Variants in ADAM2 observed in about 807,000 individuals in gnomAD.
ADAM2 encodes the protein ADAM metallopeptidase domain 2.
In ADAM2, 101 loss-of-function variants were observed where a neutral mutation model predicts 99.3. The ratio of observed to expected loss-of-function variants is 1.02; its 90% CI spans 0.87 to 1.20. The LOEUF (loss-of-function observed/expected upper bound fraction) is 1.20, where lower values mean the gene tolerates loss of function less well. Among genes scored for constraint, ADAM2 ranks in the 50% most tolerant of loss-of-function variants. The pLI is 0.00. For synonymous variants in ADAM2, 323 were observed against 287.6 expected, an observed-to-expected ratio of 1.12 and a Z score of -1.25; for missense variants, 948 against 878.7, an observed-to-expected ratio of 1.08 and a Z score of -1.00.
At chr8:39,783,191 T>G (rs1322889450) in intron 10 of ADAM2, among the ~76,000 whole-genome samples, 1 of 152,206 alleles carries the variant, frequency 6.6e-6, no homozygotes, top group African/African-American at 2.4e-5. Context: ...CACTTTTCTC[T>G]GTAAGATTTC....
chr8:39,747,858 C>T (rs1823537308), intron 18 of ADAM2, among the ~76,000 whole-genome samples: 1 of 152,158 alleles, frequency 6.6e-6, no homozygotes, highest in African/African-American at 2.4e-5. Context: ...CCTTGAATTG[C>T]TCACCAACTT....
chr8:39,761,874 G>A (rs1802383304), intron 14 of ADAM2, among the ~76,000 whole-genome samples: 1 of 152,138 alleles, frequency 6.6e-6, no homozygotes, highest in Admixed American at 6.5e-5. Flanking sequence ...GAGTTAAGGA[G>A]ATCGAGACCA....
rs1279436807 is a variant in ADAM2 at position 39,837,132 on chromosome 8, T to C, written c.132+4A>G. The C allele has an allele frequency of 6.3e-7, 1 of 1,585,056 alleles. No homozygotes were observed. Among genetic ancestry groups the C allele is most frequent in the Admixed American group, 1.7e-5 (1 of 58,104 alleles). On this transcript the variant is annotated splice_donor_region_variant and intron_variant, in intron 2 of 20. Coordinates refer to ENST00000265708, the MANE Select transcript of ADAM2 (RefSeq NM_001464.5). Reference sequence around the variant, plus strand: ...ATTTGTAAATACTGTTAGTGATTCATTACCTGCGATTCAATTCCTTCCTTT... The same window carrying C: ...ATTTGTAAATACTGTTAGTGATTCACTACCTGCGATTCAATTCCTTCCTTT...
At chr8:39,762,137 T>C (rs1257170088) in intron 14 of ADAM2, among the ~76,000 whole-genome samples, 1 of 152,202 alleles carries the variant, frequency 6.6e-6, no homozygotes, top group East Asian at 1.9e-4. Context: ...TTATTTCTCA[T>C]AACCTCCAAC....
In ADAM2 at chr8:39,824,865, C is replaced by T. The variant is rs979084286; in HGVS notation, c.221G>A (p.Ser74Asn). 6.4e-7 allele frequency: 1 copy of T among 1,565,544 alleles called. No individual in the cohort carries two copies. Among genetic ancestry groups the T allele is most frequent in the Admixed American group, 1.8e-5 (1 of 56,884 alleles). The change falls in exon 4 of 21, where the codon AGT (serine) becomes AAT (asparagine). Residue 74 changes from serine to asparagine, a missense_variant. Coordinates refer to ENST00000265708, the MANE Select transcript of ADAM2 (RefSeq NM_001464.5). The stretch of plus-strand genomic sequence containing the variant: ...TTTCATAATTCCTGTGCCACTATAA[C>T]TGTAAACTCTAAAATTATGGGGTAA... Reference protein sequence around the residue: ...NFLPHNFRVYSYSGTGIMKPL... With the variant: ...NFLPHNFRVYNYSGTGIMKPL...
At position 39,821,072 on chromosome 8, in the gene ADAM2, G is replaced by A. The variant is rs553158681; in HGVS notation, c.443C>T (p.Ala148Val). 97 of 1,606,666 alleles carry A rather than the reference G, an allele frequency of 6.0e-5. No homozygotes were observed. Among genetic ancestry groups the A allele is most frequent in the Middle Eastern group, 1.7e-4 (1 of 6,022 alleles). Residue 148 changes from alanine (A) to valine (V), a missense_variant, in exon 6 of 21, where the codon GCA (alanine) becomes GTA (valine). Coordinates refer to ENST00000265708, the MANE Select transcript of ADAM2 (RefSeq NM_001464.5). ...HVIYQVKHKK[A>V]DVSLYNEKDI... ...CTTCTCATTATATAAGGAAACATCT[G>A]CTTTCTTATGTTTTACTTGGTAAAT... is the stretch of plus-strand genomic sequence containing the variant.
At chr8:39,758,785 A>G (rs1802246114) in intron 15 of ADAM2, among the ~76,000 whole-genome samples, 1 of 152,092 alleles carries the variant, frequency 6.6e-6, no homozygotes, top group East Asian at 1.9e-4. Flanking sequence ...TTTGAAAAGG[A>G]CACATTAACC....
chr8:39,837,066 C>T, intron 2 of ADAM2, 70 bp downstream of exon 2: 2 of 1,237,192 alleles, frequency 1.6e-6, no homozygotes, highest in Non-Finnish European at 2.3e-6. Context: ...TGAAAAATGG[C>T]AGATTAACTT....
Position 39,777,017 on chromosome 8 carries a change from A to G in ADAM2, c.1028+8T>C. 1 of 1,536,594 alleles carries G rather than the reference A, an allele frequency of 6.5e-7. No individual in the cohort carries two copies. Among genetic ancestry groups the G allele is most frequent in the Non-Finnish European group, 9.0e-7 (1 of 1,113,986 alleles). On this transcript the variant is annotated splice_region_variant and intron_variant, in intron 11 of 20. Transcript: ENST00000265708. ...ATATATGTAAAGTATAAAAGTCAGA[A>G]ATCTTACATTGCTTCTGGATTCATA...
At chr8:39,828,585 G>C (rs1805501113) in intron 3 of ADAM2, among the ~76,000 whole-genome samples, 1 of 151,662 alleles carries the variant, frequency 6.6e-6, no homozygotes, top group African/African-American at 2.4e-5. Flanking sequence ...AAACAATCAA[G>C]AAGAGTAAGC....
Position 39,837,140 on chromosome 8 carries a change from G to T in ADAM2, c.128C>A (p.Ser43Ter). The change falls in exon 2 of 21, where the codon TCG becomes TAG. Residue 43 changes from serine (S) to a stop codon, truncating the protein, a stop_gained. Transcript: ENST00000265708. LOFTEE classifies it high-confidence loss of function. ...IRSIIKEGIE[S>*]QASYKIVIEG... ...ATACTGTTAGTGATTCATTACCTGC[G>T]ATTCAATTCCTTCCTTTATTATTGA... 6.3e-7 allele frequency: 1 copy of T among 1,593,428 alleles called. No individual in the cohort carries two copies. Among genetic ancestry groups the T allele is most frequent in the South Asian group, 1.1e-5 (1 of 88,250 alleles).
chr8:39,780,229 A>G (rs889780734), intron 10 of ADAM2, among the ~76,000 whole-genome samples: 1 of 152,092 alleles, frequency 6.6e-6, no homozygotes, highest in Admixed American at 6.6e-5. Context: ...CAAGAACAGC[A>G]TGGGAAAGAC....
intron 18 of ADAM2, among the ~76,000 whole-genome samples, chr8:39,748,365 G>A (rs771133060): frequency 1.8e-4 from 27 of 152,110 alleles, no homozygotes; most frequent in Non-Finnish European, 3.5e-4. Flanking sequence ...ACAATTAATT[G>A]CAGCCAATGG....
intron 14 of ADAM2, among the ~76,000 whole-genome samples, chr8:39,764,998 G>A (rs202013): frequency 0.18 from 27,525 of 151,294 alleles, 2,810 homozygotes; most frequent in East Asian, 0.29. Context: ...ACTCCAGCCT[G>A]AGCGACAGAG....
chr8:39,776,884 C>G, intron 11 of ADAM2, 141 bp downstream of exon 11: 1 of 561,514 alleles, frequency 1.8e-6, no homozygotes, highest in East Asian at 3.0e-5. Context: ...GCATCGTGGG[C>G]ATTGGAATAC....
chr8:39,756,627 A>G (rs1802161677), intron 15 of ADAM2, among the ~76,000 whole-genome samples: 1 of 152,192 alleles, frequency 6.6e-6, no homozygotes, highest in African/African-American at 2.4e-5. Context: ...GCAAAATCTC[A>G]GCAGTGATGA....
intron 14 of ADAM2, among the ~76,000 whole-genome samples, chr8:39,761,721 T>C (rs529057155): frequency 6.6e-6 from 1 of 152,320 alleles, no homozygotes; most frequent in African/African-American, 2.4e-5. Flanking sequence ...GGAGTCACAA[T>C]TGATTCATTC....
intron 18 of ADAM2, 107 bp downstream of exon 18, chr8:39,749,205 C>T (rs936069879): frequency 4.8e-6 from 5 of 1,049,034 alleles, no homozygotes; most frequent in Non-Finnish European, 6.9e-6. Flanking sequence ...AGTTTAATGT[C>T]TAAACATAGT....
chr8:39,831,516 A>G (rs1252031017), intron 3 of ADAM2, among the ~76,000 whole-genome samples: 1 of 152,174 alleles, frequency 6.6e-6, no homozygotes, highest in Non-Finnish European at 1.5e-5. Context: ...ATTGGGAGAA[A>G]TCATGTAGAA....
Sources: gnomAD v4.1 joint callset for allele counts (sites outside exome capture counted in the v4.1 genomes callset) on GRCh38, gnomAD v4.1.1 for gene constraint, MANE v1.5 for transcripts, NCBI Gene and HGNC (gene_info 2026-07-23, HGNC 2026-07-21) for gene names.